The following TCF7L2 variants were observed in gnomAD, a reference collection of about 807,000 sequenced individuals.
The protein encoded by TCF7L2 is transcription factor 7 like 2.
TCF7L2 carries 23 observed loss-of-function variants against 77.9 expected under a neutral mutation model. The observed-to-expected ratio is 0.30, with a 90% CI of 0.21 to 0.42. TCF7L2 has a LOEUF of 0.42. Ranked by LOEUF, TCF7L2 falls within the 10% of genes least tolerant of loss-of-function variation. The probability of loss-of-function intolerance (pLI) is 1.00; values close to 1 mark genes in which losing one functional copy is unlikely to be tolerated. For synonymous variants in TCF7L2, 413 were observed against 340.2 expected, an observed-to-expected ratio of 1.21 and a Z score of -2.36; for missense variants, 654 against 793.1, an observed-to-expected ratio of 0.82 and a Z score of 2.11.
chr10:112,997,067 T>G (rs916057473), intron 4 of TCF7L2, among the ~76,000 whole-genome samples: 1 of 152,222 alleles, frequency 6.6e-6, no homozygotes, highest in African/African-American at 2.4e-5. Context: ...CACAAACTAA[T>G]GAGGCAGCAG....
At chr10:113,092,734 C>T (rs990143478) in intron 5 of TCF7L2, among the ~76,000 whole-genome samples, 6 of 152,138 alleles carry the variant, frequency 3.9e-5, no homozygotes, top group East Asian at 1.9e-4. Context: ...CGTGGTGGCA[C>T]ATGCCTGTAA....
intron 12 of TCF7L2, 32 bp downstream of exon 12, chr10:113,158,101 G>T: frequency 6.3e-7 from 1 of 1,575,784 alleles, no homozygotes; most frequent in Non-Finnish European, 8.6e-7. Context: ...AGAGGAAGGA[G>T]CTGTAGCCTG....
intron 5 of TCF7L2, among the ~76,000 whole-genome samples, chr10:113,079,095 A>G (rs1349127778): frequency 6.6e-6 from 1 of 152,136 alleles, no homozygotes; most frequent in African/African-American, 2.4e-5. Flanking sequence ...TGGCCTCCCA[A>G]AGTGCTGGGA....
chr10:113,064,415 G>A (rs888983870), intron 5 of TCF7L2, among the ~76,000 whole-genome samples: 4 of 152,144 alleles, frequency 2.6e-5, no homozygotes, highest in African/African-American at 7.2e-5. Context: ...TAAATTGTAC[G>A]AAACCCAAGT....
intron 4 of TCF7L2, among the ~76,000 whole-genome samples, chr10:112,983,880 G>A (rs769151972): frequency 9.2e-5 from 14 of 152,212 alleles, no homozygotes; most frequent in East Asian, 1.9e-4. Flanking sequence ...TAGTGGCCAC[G>A]AACCCAGGCC....
chr10:113,003,468 T>C (rs1164485191), intron 4 of TCF7L2, among the ~76,000 whole-genome samples: 1 of 152,182 alleles, frequency 6.6e-6, no homozygotes, highest in Non-Finnish European at 1.5e-5. Flanking sequence ...CCTCCCACTT[T>C]TGGGCTCAGA....
intron 5 of TCF7L2, among the ~76,000 whole-genome samples, chr10:113,044,889 T>C (rs549190031): frequency 6.6e-6 from 1 of 152,162 alleles, no homozygotes; most frequent in South Asian, 2.1e-4. Flanking sequence ...GATCTGACAC[T>C]GGGGAGTCAT....
At chr10:112,966,184 T>TTATATATTTATA (rs2036781195) in intron 4 of TCF7L2, among the ~76,000 whole-genome samples, 2 of 114,276 alleles carry the variant, frequency 1.8e-5, no homozygotes, top group Non-Finnish European at 3.3e-5. Context: ...TAAAATATAT[T>TTATATATTTATA]TATATATATA....
chr10:113,147,641 C>T (rs903544688), intron 8 of TCF7L2, among the ~76,000 whole-genome samples: 8 of 152,180 alleles, frequency 5.3e-5, no homozygotes, highest in Non-Finnish European at 8.8e-5. Flanking sequence ...CCAGGGACCA[C>T]GGCTACATGT....
intron 5 of TCF7L2, among the ~76,000 whole-genome samples, chr10:113,117,400 T>TTCTCCCCCCAA (rs2063901911): frequency 4.0e-5 from 2 of 50,548 alleles, no homozygotes; most frequent in Admixed American, 2.2e-4. Context: ...TCTCTCTCTC[T>TTCTCCCCCCAA]CTCTCTCTCT....
chr10:112,956,407 A>T (rs1485138518), intron 3 of TCF7L2, among the ~76,000 whole-genome samples: 1 of 146,426 alleles, frequency 6.8e-6, no homozygotes, highest in Non-Finnish European at 1.5e-5. Context: ...CTTTCCAGGG[A>T]AGTAAGTGTA....
chr10:112,959,353 A>T (rs2034481276), intron 3 of TCF7L2, among the ~76,000 whole-genome samples: 1 of 152,198 alleles, frequency 6.6e-6, no homozygotes, highest in East Asian at 1.9e-4. Context: ...GTAGGTGGAT[A>T]CGTATAGAAG....
At chr10:112,990,470 G>T (rs551278527) in intron 4 of TCF7L2, among the ~76,000 whole-genome samples, 1 of 152,278 alleles carries the variant, frequency 6.6e-6, no homozygotes, top group East Asian at 1.9e-4. Flanking sequence ...ACTTTGGGAG[G>T]CTGAGGTGGG....
chr10:113,094,567 T>G (rs11196223), intron 5 of TCF7L2, among the ~76,000 whole-genome samples: 4,498 of 152,304 alleles, frequency 0.03, 88 homozygotes, highest in South Asian at 0.076. Flanking sequence ...AAGAAGCAGA[T>G]GAGACAACCA....
intron 8 of TCF7L2, among the ~76,000 whole-genome samples, chr10:113,148,366 C>G (rs2069957873): frequency 6.6e-6 from 1 of 152,012 alleles, no homozygotes; most frequent in Non-Finnish European, 1.5e-5. Context: ...GTGGGTGCAC[C>G]GTGGCTCACA....
chr10:113,070,139 C>G (rs1324761140), intron 5 of TCF7L2, among the ~76,000 whole-genome samples: 2 of 151,542 alleles, frequency 1.3e-5, no homozygotes, highest in African/African-American at 4.9e-5. Flanking sequence ...GCCTGTAATC[C>G]CAGCTACTCG....
chr10:113,056,558 CTCCCCCA>C (rs1171225522), intron 5 of TCF7L2, among the ~76,000 whole-genome samples: 1 of 152,224 alleles, frequency 6.6e-6, no homozygotes, highest in East Asian at 1.9e-4. Context: ...AGTAATCACC[CTCCCCCA>C]TATTATTGGG....
At chr10:113,045,691 A>T (rs2053319067) in intron 5 of TCF7L2, among the ~76,000 whole-genome samples, 1 of 151,994 alleles carries the variant, frequency 6.6e-6, no homozygotes. Flanking sequence ...CATTTGGGGG[A>T]TATGGGGTGT....
intron 4 of TCF7L2, among the ~76,000 whole-genome samples, chr10:112,990,858 G>A (rs991605461): frequency 2.0e-5 from 3 of 152,190 alleles, no homozygotes; most frequent in Non-Finnish European, 2.9e-5. Context: ...AAGACAGACC[G>A]TTTGATGGAA....
Sources: gnomAD v4.1 joint callset for allele counts (sites outside exome capture counted in the v4.1 genomes callset) on GRCh38, gnomAD v4.1.1 for gene constraint, MANE v1.5 for transcripts, NCBI Gene and HGNC (gene_info 2026-07-23, HGNC 2026-07-21) for gene names.